The following SLC25A26 variants were observed in gnomAD, a reference collection of about 807,000 sequenced individuals.
SLC25A26 encodes solute carrier family 25 member 26.
SLC25A26 carries 36 observed loss-of-function variants against 37.8 expected under a neutral mutation model. The ratio of observed to expected loss-of-function variants is 0.95; its 90% CI spans 0.73 to 1.26. The LOEUF (loss-of-function observed/expected upper bound fraction) is 1.26, where lower values mean the gene tolerates loss of function less well. SLC25A26 is among the 50% of genes most tolerant of loss of function. The pLI, the probability that SLC25A26 is intolerant of heterozygous loss-of-function variation, is 0.00. For missense variants in SLC25A26, 390 were observed against 331.1 expected (o/e 1.18, Z -1.38); for synonymous variants, 129 against 122.5 (o/e 1.05, Z -0.35).
chr3:66,339,094 G>T lies in SLC25A26; in HGVS notation c.454-7270G>T, dbSNP rs531340275. Among the ~76,000 whole-genome samples, 21 of 152,100 alleles carry T rather than the reference G, an allele frequency of 1.4e-4. No homozygotes were observed. In the East Asian group the frequency reaches 3.9e-3, roughly 28 times the overall value. ...TGGCTGTATACCCGGGAGCAAAATT[G>T]CTGGATCATAAGGTCATTCTGTGTT... On this transcript the variant is annotated intron_variant, in intron 5 of 9. Transcript: ENST00000354883.
intron 1 of SLC25A26, among the ~76,000 whole-genome samples, chr3:66,154,513 C>G (rs533628686): frequency 1.2e-3 from 186 of 151,216 alleles, no homozygotes; most frequent in Non-Finnish European, 2.1e-3. Flanking sequence ...CTGGCTCTGC[C>G]TCTGTCCAAC....
At chr3:66,155,330 T>A (rs1020850004) in intron 1 of SLC25A26, among the ~76,000 whole-genome samples, 2 of 152,124 alleles carry the variant, frequency 1.3e-5, no homozygotes, top group Non-Finnish European at 2.9e-5. Flanking sequence ...GGCAATGTAG[T>A]GAGACCCTGT....
chr3:66,180,692 T>C (rs139400317), intron 1 of SLC25A26, among the ~76,000 whole-genome samples: 10 of 151,506 alleles, frequency 6.6e-5, no homozygotes, highest in Admixed American at 3.3e-4. Flanking sequence ...GAGATTTTTT[T>C]AAAAAATCCT....
chr3:66,344,106 C>T (rs554565948), intron 5 of SLC25A26, among the ~76,000 whole-genome samples: 3 of 152,162 alleles, frequency 2.0e-5, no homozygotes, highest in Non-Finnish European at 4.4e-5. Flanking sequence ...GACAGATTTT[C>T]TTTCTGTGGT....
chr3:66,314,467 G>A (rs1455655854), intron 5 of SLC25A26, among the ~76,000 whole-genome samples: 2 of 152,062 alleles, frequency 1.3e-5, no homozygotes, highest in African/African-American at 4.8e-5. Flanking sequence ...GGATGAAGCC[G>A]ACTTGATCAC....
At chr3:66,258,921 A>C (rs1347327637) in intron 3 of SLC25A26, among the ~76,000 whole-genome samples, 1 of 151,248 alleles carries the variant, frequency 6.6e-6, no homozygotes, top group East Asian at 1.9e-4. Context: ...CTGTCATTTT[A>C]ACACTTACAG....
At chr3:66,134,534 A>T (rs113818505) in intron 1 of SLC25A26, among the ~76,000 whole-genome samples, 56 of 152,346 alleles carry the variant, frequency 3.7e-4, no homozygotes, top group Non-Finnish European at 6.5e-4. Context: ...TTGAGTCACG[A>T]TGAAATTAAG....
chr3:66,228,190 G>C (rs1383215333), intron 1 of SLC25A26, among the ~76,000 whole-genome samples: 1 of 152,204 alleles, frequency 6.6e-6, no homozygotes, highest in Non-Finnish European at 1.5e-5. Flanking sequence ...TGCTTGGAGA[G>C]CACCAATCAT....
At chr3:66,297,328 CA>C (rs34315256) in intron 5 of SLC25A26, among the ~76,000 whole-genome samples, 5,547 of 106,282 alleles carry the variant, frequency 0.052, 249 homozygotes, top group African/African-American at 0.17. Flanking sequence ...AACTCCATCT[CA>C]AAAAAAAAAA....
intron 5 of SLC25A26, among the ~76,000 whole-genome samples, chr3:66,340,095 G>A (rs939732996): frequency 2.6e-5 from 4 of 151,944 alleles, no homozygotes; most frequent in East Asian, 1.9e-4. Flanking sequence ...TCCCAATATC[G>A]TTTGTTGAAA....
chr3:66,204,728 C>T (rs948988253), intron 1 of SLC25A26, among the ~76,000 whole-genome samples: 14 of 152,092 alleles, frequency 9.2e-5, no homozygotes, highest in Admixed American at 5.2e-4. Context: ...TTCTGATTGC[C>T]GATGGAGGCT....
chr3:66,328,297 C>G (rs1266043211), intron 5 of SLC25A26, among the ~76,000 whole-genome samples: 1 of 152,166 alleles, frequency 6.6e-6, no homozygotes, highest in Admixed American at 6.5e-5. Context: ...TATAGTTAGA[C>G]TTCAACTACT....
At chr3:66,170,192 T>C (rs1004845866) in intron 1 of SLC25A26, among the ~76,000 whole-genome samples, 5 of 152,230 alleles carry the variant, frequency 3.3e-5, no homozygotes, top group Admixed American at 6.5e-5. Flanking sequence ...AAGCAGTTTG[T>C]GTAAGATATG....
intron 1 of SLC25A26, among the ~76,000 whole-genome samples, chr3:66,139,691 A>G (rs986577938): frequency 6.6e-6 from 1 of 152,244 alleles, no homozygotes; most frequent in Non-Finnish European, 1.5e-5. Context: ...TTACACATGC[A>G]TAACCTATTT....
chr3:66,243,489 C>G (rs551189789), intron 3 of SLC25A26, among the ~76,000 whole-genome samples, 177 bp downstream of exon 3: 1 of 152,026 alleles, frequency 6.6e-6, no homozygotes, highest in African/African-American at 2.4e-5. Flanking sequence ...AACTAAAAGA[C>G]AGAGCCTTAT....
rs146409055 is a variant in SLC25A26 at position 66,376,931 on chromosome 3, T to C, written c.708-759T>C. Among the ~76,000 whole-genome samples the C allele has an allele frequency of 4.8e-4, 73 of 152,350 alleles. No homozygotes were observed. The East Asian group carries it at 0.013, about 27-fold the overall frequency. On this transcript the variant is annotated intron_variant, in intron 9 of 9. Coordinates refer to ENST00000354883, the MANE Select transcript of SLC25A26 (RefSeq NM_001379210.1). ...TTTGTAATTTTTTTATGTTGGCATC[T>C]GTAGATTTCCTCATCTTTATCAGCT...
intron 3 of SLC25A26, among the ~76,000 whole-genome samples, chr3:66,246,791 T>C (rs541756226): frequency 1.3e-5 from 2 of 152,314 alleles, no homozygotes; most frequent in Non-Finnish European, 2.9e-5. Flanking sequence ...TTCAGACTCT[T>C]GGCCTCAAGA....
chr3:66,178,140 G>T (rs1047284913), intron 1 of SLC25A26, among the ~76,000 whole-genome samples: 11 of 152,212 alleles, frequency 7.2e-5, no homozygotes, highest in African/African-American at 2.7e-4. Flanking sequence ...AGATTCATGT[G>T]TAAGGAAGAC....
intron 5 of SLC25A26, among the ~76,000 whole-genome samples, chr3:66,343,841 A>T (rs2076261963): frequency 6.6e-6 from 1 of 152,208 alleles, no homozygotes; most frequent in South Asian, 2.1e-4. Flanking sequence ...AACCTATTAC[A>T]CAGTCAAGTT....
Sources: gnomAD v4.1 joint callset for allele counts (sites outside exome capture counted in the v4.1 genomes callset) on GRCh38, gnomAD v4.1.1 for gene constraint, MANE v1.5 for transcripts, NCBI Gene and HGNC (gene_info 2026-07-23, HGNC 2026-07-21) for gene names.